ERICH1: variants seen among roughly 807,000 people sequenced by gnomAD.
ERICH1 encodes glutamate rich 1.
Under a neutral mutation model 39.6 loss-of-function variants are expected in ERICH1, and 56 were observed. That is an observed-to-expected ratio of 1.41 (90% CI 1.14 to 1.77). ERICH1 has a LOEUF of 1.77. Ranked by LOEUF, ERICH1 falls within the 40% of genes most tolerant of loss-of-function variation. The pLI is 0.00. For missense variants in ERICH1, 826 were observed against 575.4 expected (o/e 1.44, Z -4.45); for synonymous variants, 313 against 223.6 (o/e 1.40, Z -3.57).
chr8:680,737 A>G (rs1015927742), intron 3 of ERICH1, among the ~76,000 whole-genome samples: 1 of 152,242 alleles, frequency 6.6e-6, no homozygotes, highest in Non-Finnish European at 1.5e-5. Context: ...AGTGGTCACC[A>G]CTCAGGAGAA....
chr8:653,604 A>G, intron 3 of ERICH1, among the ~76,000 whole-genome samples: 1 of 152,256 alleles, frequency 6.6e-6, no homozygotes, highest in Admixed American at 6.5e-5. Context: ...TGCCCGATTC[A>G]TGAATCATTC....
chr8:721,674 A>C (rs1489880393), intron 1 of ERICH1, among the ~76,000 whole-genome samples: 2 of 152,248 alleles, frequency 1.3e-5, no homozygotes, highest in Non-Finnish European at 2.9e-5. Context: ...GGTTTCCTGC[A>C]GATATGGACA....
intron 5 of ERICH1, 178 bp downstream of exon 5, chr8:668,420 T>C: frequency 1.6e-6 from 1 of 636,836 alleles, no homozygotes; most frequent in Non-Finnish European, 2.7e-6. Context: ...TGAAATATTT[T>C]TATATCAAGC....
chr8:651,996 C>A (rs764771900), intron 3 of ERICH1, among the ~76,000 whole-genome samples: 4 of 152,146 alleles, frequency 2.6e-5, no homozygotes, highest in African/African-American at 4.8e-5. Context: ...AATGAAGGCA[C>A]TGATTTGGGA....
At position 625,847 on chromosome 8, in the gene ERICH1, C is replaced by A. The variant is rs1002609814; in HGVS notation, c.977-10563G>T. The stretch of plus-strand genomic sequence containing the variant: ...CAGTCATGTTCTTTGTTACGCAACA[C>A]AGTTTTCACCTTGGGCTAAGATGAT... On this transcript the variant is annotated intron_variant, in intron 3 of 3. Coordinates refer to the ERICH1 transcript ENST00000522706. The A allele has an allele frequency of 4.6e-5, 7 of 152,206 alleles. No individual in the cohort carries two copies. The East Asian group carries it at 1.3e-3, about 29-fold the overall frequency. The allele number at this position is 152,206 out of a possible 1,614,324, so 9.4% of individuals were successfully genotyped here.
chr8:664,659 A>C lies in ERICH1; in HGVS notation c.1276T>G (p.Ser426Ala). 6.2e-7 allele frequency: 1 copy of C among 1,612,660 alleles called. No homozygotes were observed. Among genetic ancestry groups the C allele is most frequent in the Non-Finnish European group, 8.5e-7 (1 of 1,179,570 alleles). The change falls in exon 6 of 6, where the codon TCA (serine) becomes GCA (alanine). Residue 426 changes from serine (S) to alanine (A), a missense_variant. By Grantham distance (99) the Ser-to-Ala change is moderately conservative. Transcript: ENST00000262109. ...TMPPDHARVISAFFSYWITHI... is the reference protein window; with the variant it reads ...TMPPDHARVIAAFFSYWITHI... ...GTGATCCAGTAACTAAAGAAAGCTG[A>C]GATTACTCTGGCATGGTCTAGAAAG...
At chr8:654,087 G>C (rs1398862970) in intron 3 of ERICH1, among the ~76,000 whole-genome samples, 1 of 152,094 alleles carries the variant, frequency 6.6e-6, no homozygotes, top group Non-Finnish European at 1.5e-5. Context: ...GTTTAGGTTT[G>C]GGAACTCTAC....
intron 3 of ERICH1, among the ~76,000 whole-genome samples, chr8:687,267 T>G (rs1450847536): frequency 1.3e-5 from 2 of 152,214 alleles, no homozygotes; most frequent in African/African-American, 4.8e-5. Context: ...CTCACACCGC[T>G]TGTGATTAGG....
intron 3 of ERICH1, among the ~76,000 whole-genome samples, chr8:677,805 G>A (rs1296273890): frequency 6.6e-6 from 1 of 152,122 alleles, no homozygotes; most frequent in African/African-American, 2.4e-5. Flanking sequence ...GCCCCTCTAG[G>A]ATGCGACAGG....
At chr8:671,376 G>A (rs1318423652) in intron 4 of ERICH1, among the ~76,000 whole-genome samples, 21 of 141,172 alleles carry the variant, frequency 1.5e-4, no homozygotes, top group African/African-American at 5.0e-4. Context: ...TGCCGGCCCC[G>A]GCTCTAATGT....
At position 664,732 on chromosome 8, in the gene ERICH1, T is replaced by C. The variant is rs540763117; in HGVS notation, c.1259-56A>G. 3.8e-5 allele frequency: 55 copies of C among 1,445,564 alleles called. 1 individual carries two copies. In the South Asian group the frequency reaches 6.3e-4, roughly 16 times the overall value. 89.5% of individuals were successfully genotyped at this position (1,445,564 alleles called of 1,614,324 possible). A position where few individuals can be genotyped will look rare whatever the true frequency, so the allele number is the denominator to read the frequency against. On this transcript the variant is annotated intron_variant, in intron 5 of 5. Coordinates refer to ENST00000262109, the MANE Select transcript of ERICH1 (RefSeq NM_207332.3). Reference sequence around the variant, plus strand: ...AAAACAAAGACAAAAAGAAAAATCATAAGTTATTATTATGTAGACACGAGC... The same window carrying C: ...AAAACAAAGACAAAAAGAAAAATCACAAGTTATTATTATGTAGACACGAGC...
chr8:695,477 T>C (rs933408988), intron 2 of ERICH1, among the ~76,000 whole-genome samples: 1 of 151,860 alleles, frequency 6.6e-6, no homozygotes, highest in Non-Finnish European at 1.5e-5. Context: ...GCACAGCAGC[T>C]CCCGCCTCCC....
At chr8:659,546 G>A (rs866573828), downstream of ERICH1, among the ~76,000 whole-genome samples, 1 of 256 alleles carries the variant, frequency 3.9e-3, no homozygotes. Context: ...GAGATCTCCG[G>A]TGTGCACTGA....
At chr8:649,996 C>T (rs529081609) in intron 3 of ERICH1, among the ~76,000 whole-genome samples, 1 of 152,324 alleles carries the variant, frequency 6.6e-6, no homozygotes, top group East Asian at 1.9e-4. Flanking sequence ...AGAGCCTGAG[C>T]ACCCCGGACC....
At chr8:642,506 G>T (rs976800839) in intron 3 of ERICH1, among the ~76,000 whole-genome samples, 2 of 151,940 alleles carry the variant, frequency 1.3e-5, no homozygotes, top group Non-Finnish European at 2.9e-5. Flanking sequence ...CACCACGCCC[G>T]GCTAATTTTT....
At chr8:716,819 C>T (rs955528721) in intron 1 of ERICH1, among the ~76,000 whole-genome samples, 3 of 152,048 alleles carry the variant, frequency 2.0e-5, no homozygotes, top group South Asian at 2.1e-4. Context: ...CTGTCATAGG[C>T]CCCCTGAGAG....
At chr8:663,394 G>A (rs1309027366), downstream of ERICH1, among the ~76,000 whole-genome samples, 1 of 152,186 alleles carries the variant, frequency 6.6e-6, no homozygotes, top group Non-Finnish European at 1.5e-5. Context: ...CTGGGGGAGT[G>A]GGGAGCCCAG....
intron 2 of ERICH1, among the ~76,000 whole-genome samples, chr8:699,909 A>T (rs1811439603): frequency 1.5e-5 from 2 of 133,888 alleles, no homozygotes; most frequent in South Asian, 5.1e-4. Context: ...AGACCCGCAC[A>T]GGCGCACAGG....
chr8:640,468 C>T (rs1446506031), intron 3 of ERICH1: 1 of 152,192 alleles, frequency 6.6e-6, no homozygotes, highest in Non-Finnish European at 1.5e-5. Context: ...GATGGCACAA[C>T]TTGTTTGTCA....
Sources: gnomAD v4.1 joint callset for allele counts (sites outside exome capture counted in the v4.1 genomes callset) on GRCh38, gnomAD v4.1.1 for gene constraint, MANE v1.5 for transcripts, NCBI Gene and HGNC (gene_info 2026-07-23, HGNC 2026-07-21) for gene names.